ANO4: variants seen among roughly 807,000 people sequenced by gnomAD.
ANO4 encodes the protein anoctamin 4, also known as anoctamin-4.
In ANO4, 69 loss-of-function variants were observed where a neutral mutation model predicts 141.9. The ratio of observed to expected loss-of-function variants is 0.49; its 90% CI spans 0.40 to 0.59. The LOEUF (loss-of-function observed/expected upper bound fraction) is 0.59. ANO4 is among the 20% of genes least tolerant of loss of function. The probability of loss-of-function intolerance (pLI) is 0.00; values close to 1 mark genes in which losing one functional copy is unlikely to be tolerated. For synonymous variants in ANO4, 350 were observed against 394.3 expected, an observed-to-expected ratio of 0.89 and a Z score of 1.33; for missense variants, 894 against 1,162.2, an observed-to-expected ratio of 0.77 and a Z score of 3.36.
intron 27 of ANO4, 148 bp downstream of exon 27, chr12:101,127,222 T>G (rs2051357453): frequency 2.2e-6 from 2 of 921,184 alleles, no homozygotes; most frequent in South Asian, 3.9e-5. Flanking sequence ...AGCTTGTTTT[T>G]TACTTTAATC....
chr12:100,976,507 T>C (rs975802662), intron 7 of ANO4, among the ~76,000 whole-genome samples: 2 of 152,236 alleles, frequency 1.3e-5, no homozygotes, highest in Non-Finnish European at 2.9e-5. Context: ...GTTTAGCCTA[T>C]ATTAATAGTT....
chr12:100,862,466 C>T lies in ANO4; in HGVS notation c.-140-39180C>T, dbSNP rs187508177. Among the ~76,000 whole-genome samples, 149 of 152,144 alleles carry T rather than the reference C, an allele frequency of 9.8e-4. 1 individual carries two copies. The highest frequency in any genetic ancestry group is 3.3e-3 in the African/African-American group (135 of 41,516). On this transcript the variant is annotated intron_variant, in intron 1 of 27. Transcript: ENST00000392977. ...CCTCATAAGTAGCTAGGATTACAGG[C>T]GCCTGCCACCATGCCCAGCTAATTT...
intron 14 of ANO4, among the ~76,000 whole-genome samples, chr12:101,070,349 C>T (rs1313881834): frequency 6.6e-6 from 1 of 152,038 alleles, no homozygotes; most frequent in Non-Finnish European, 1.5e-5. Flanking sequence ...GAATAGAGAG[C>T]CCCAAAACAA....
intron 3 of ANO4, among the ~76,000 whole-genome samples, chr12:100,785,555 A>G (rs1385165814): frequency 6.6e-6 from 1 of 152,190 alleles, no homozygotes; most frequent in East Asian, 1.9e-4. Flanking sequence ...AGATTCCCTC[A>G]TGTTCTTCAT....
chr12:100,886,121 C>G (rs183859540), intron 1 of ANO4, among the ~76,000 whole-genome samples: 22 of 152,300 alleles, frequency 1.4e-4, no homozygotes, highest in Admixed American at 1.2e-3. Flanking sequence ...CCCACTTCCA[C>G]TGCTCTGATC....
chr12:101,068,783 C>T (rs2048697161), intron 14 of ANO4: 9 of 1,241,978 alleles, frequency 7.2e-6, no homozygotes, highest in Non-Finnish European at 9.5e-6. Flanking sequence ...CATAGCCTGG[C>T]TTTAGAAGAG....
At chr12:101,057,441 C>T (rs557075099) in intron 14 of ANO4, among the ~76,000 whole-genome samples, 1 of 152,296 alleles carries the variant, frequency 6.6e-6, no homozygotes, top group South Asian at 2.1e-4. Flanking sequence ...TTGGTTTCCA[C>T]AATGATTGAA....
chr12:100,832,459 T>G (rs1461145203), intron 1 of ANO4, among the ~76,000 whole-genome samples: 3 of 152,088 alleles, frequency 2.0e-5, no homozygotes, highest in Admixed American at 2.0e-4. Flanking sequence ...TGTGTTTCCT[T>G]AAATAACCCA....
At chr12:100,754,300 T>A (rs776513005) in intron 3 of ANO4, among the ~76,000 whole-genome samples, 5 of 152,234 alleles carry the variant, frequency 3.3e-5, no homozygotes, top group African/African-American at 4.8e-5. Flanking sequence ...CTCAAGTCTA[T>A]GCTCTTTTCT....
chr12:100,855,859 T>G lies in ANO4; in HGVS notation c.-140-45787T>G, dbSNP rs1363975777. 2.6e-5 allele frequency among the ~76,000 whole-genome samples: 4 copies of G among 152,152 alleles called. No homozygotes were observed. In the East Asian group the frequency reaches 7.7e-4, roughly 29 times the overall value. On this transcript the variant is annotated intron_variant, in intron 1 of 27. Coordinates refer to ENST00000392977, the MANE Select transcript of ANO4 (RefSeq NM_001286615.2). Reference sequence around the variant, plus strand: ...TGACAAATAGGACCTGCTTCAAGTTTCAAGGAATTTACAGTGAAATCAAGG... The same window carrying G: ...TGACAAATAGGACCTGCTTCAAGTTGCAAGGAATTTACAGTGAAATCAAGG...
chr12:100,763,667 C>T (rs935643876), intron 3 of ANO4, among the ~76,000 whole-genome samples: 2 of 152,228 alleles, frequency 1.3e-5, no homozygotes, highest in Admixed American at 6.5e-5. Context: ...TATACTGCTC[C>T]CTTTTCAGTT....
intron 3 of ANO4, among the ~76,000 whole-genome samples, chr12:100,777,153 C>T (rs1039221399): frequency 6.9e-5 from 10 of 145,442 alleles, no homozygotes; most frequent in East Asian, 4.1e-4. Flanking sequence ...AGTGCAGTGG[C>T]GTGATCTCGA....
At chr12:101,102,194 C>T (rs957490867) in intron 22 of ANO4, among the ~76,000 whole-genome samples, 5 of 152,084 alleles carry the variant, frequency 3.3e-5, no homozygotes, top group Non-Finnish European at 7.4e-5. Context: ...CATTTTTGTA[C>T]ATGTATTTTG....
At chr12:100,780,500 T>G (rs1275899731) in intron 3 of ANO4, among the ~76,000 whole-genome samples, 1 of 152,190 alleles carries the variant, frequency 6.6e-6, no homozygotes, top group Non-Finnish European at 1.5e-5. Flanking sequence ...AAGGATTAGG[T>G]AGCTCCCAGA....
intron 9 of ANO4, among the ~76,000 whole-genome samples, chr12:101,036,809 T>G (rs914839516): frequency 2.0e-5 from 3 of 152,210 alleles, no homozygotes; most frequent in African/African-American, 7.2e-5. Flanking sequence ...TTAATGTGAT[T>G]GTGGTAATCA....
chr12:101,064,392 T>G (rs2048484186), intron 14 of ANO4, among the ~76,000 whole-genome samples: 1 of 152,152 alleles, frequency 6.6e-6, no homozygotes, highest in Admixed American at 6.6e-5. Flanking sequence ...TCTTTTAAAT[T>G]TACTGAGAAA....
intron 3 of ANO4, among the ~76,000 whole-genome samples, chr12:100,769,605 G>A (rs183636693): frequency 7.2e-4 from 110 of 152,324 alleles, no homozygotes; most frequent in Non-Finnish European, 1.3e-3. Flanking sequence ...GATTATTACA[G>A]AAGGGCAGGT....
In ANO4 at chr12:100,739,187, A is replaced by G. The variant is rs1042290289; in HGVS notation, c.107-667A>G. On this transcript the variant is annotated intron_variant, in intron 2 of 29. Coordinates refer to the ANO4 transcript ENST00000644049. The stretch of plus-strand genomic sequence containing the variant: ...GTTTATATATGTAAAAATTTTGTGT[A>G]TAAGTGAGATCATAAACTTATTTTC... Among the ~76,000 whole-genome samples the G allele has an allele frequency of 1.0e-4, 15 of 150,674 alleles. No homozygotes were observed. In the East Asian group the frequency reaches 2.5e-3, roughly 25 times the overall value.
At chr12:100,829,404 A>G (rs535852842) in intron 1 of ANO4, among the ~76,000 whole-genome samples, 2 of 152,198 alleles carry the variant, frequency 1.3e-5, no homozygotes, top group Non-Finnish European at 2.9e-5. Flanking sequence ...ATGGCATGCA[A>G]TAGTTGCTCT....
Sources: allele counts gnomAD v4.1 joint callset (sites outside exome capture counted in the v4.1 genomes callset), GRCh38; gene constraint gnomAD v4.1.1; transcripts MANE v1.5; gene names NCBI Gene and HGNC (gene_info 2026-07-23, HGNC 2026-07-21).